OLFM1: variants seen among roughly 807,000 people sequenced by gnomAD.
OLFM1 encodes the protein olfactomedin 1.
A neutral mutation model predicts 49.7 loss-of-function variants in OLFM1; 9 were observed. That is an observed-to-expected ratio of 0.18 (90% CI 0.11 to 0.32). The LOEUF (loss-of-function observed/expected upper bound fraction) is 0.32, where lower values mean the gene tolerates loss of function less well. Ranked by LOEUF, OLFM1 falls within the 10% of genes least tolerant of loss-of-function variation. The probability of loss-of-function intolerance (pLI) is 1.00; values close to 1 mark genes in which losing one functional copy is unlikely to be tolerated. For missense variants in OLFM1, 369 were observed against 661.8 expected (o/e 0.56, Z 4.85); for synonymous variants, 240 against 271.8 (o/e 0.88, Z 1.15).
chr9:135,101,948 TC>T (rs983337066), intron 4 of OLFM1, among the ~76,000 whole-genome samples: 1 of 152,168 alleles, frequency 6.6e-6, no homozygotes, highest in African/African-American at 2.4e-5. Flanking sequence ...TTCCTTAGTT[TC>T]TTTTTTTTCC....
upstream of OLFM1, chr9:135,087,161 GC>G (rs1435579466): frequency 2.2e-5 from 29 of 1,298,320 alleles, no homozygotes; most frequent in African/African-American, 1.2e-4. Flanking sequence ...ATGCCCCGAC[GC>G]CCCCCTGGCG....
rs1214499263 is a variant in OLFM1 at position 135,088,657 on chromosome 9, G to T, written c.150+518G>T. On this transcript the variant is annotated intron_variant, in intron 1 of 5. Coordinates refer to ENST00000371793, the MANE Select transcript of OLFM1 (RefSeq NM_001282611.2). This position sits in a 1 kb window ranked among gnomAD's most constrained non-coding sequence, Gnocchi z 4.8. ...AGTGGGGCCCCAGCCGGTGGGCTCC[G>T]GAGCTCCTGCCCGCGCCTGCATTCC... Among the ~76,000 whole-genome samples the T allele has an allele frequency of 6.6e-6, 1 of 152,016 alleles. No individual in the cohort carries two copies. Among genetic ancestry groups the T allele is most frequent in the Non-Finnish European group, 1.5e-5 (1 of 67,980 alleles).
At chr9:135,094,097 G>C (rs559854409) in intron 2 of OLFM1, among the ~76,000 whole-genome samples, 1 of 152,306 alleles carries the variant, frequency 6.6e-6, no homozygotes, top group Non-Finnish European at 1.5e-5. Flanking sequence ...TGGGGATTTT[G>C]CCAGGAGGGG....
At chr9:135,087,125 G>T (rs1011317509), upstream of OLFM1, 5 of 1,019,678 alleles carry the variant, frequency 4.9e-6, no homozygotes, top group African/African-American at 6.7e-5. Flanking sequence ...CCCTGGGATC[G>T]CAGGGGCGCC....
At chr9:135,081,111 G>T (rs1039301352) in intron 1 of OLFM1, among the ~76,000 whole-genome samples, 8 of 151,990 alleles carry the variant, frequency 5.3e-5, no homozygotes, top group African/African-American at 1.9e-4. Context: ...ATGTTGCGGC[G>T]GTCCCAGCAA....
intron 4 of OLFM1, among the ~76,000 whole-genome samples, chr9:135,103,467 C>T (rs1830897517): frequency 6.6e-6 from 1 of 152,256 alleles, no homozygotes; most frequent in Non-Finnish European, 1.5e-5. Context: ...GAGCCAGCCT[C>T]ACCCTTCCCT....
In OLFM1 at chr9:135,088,249, C is replaced by T; in HGVS notation, c.150+110C>T. 1 of 1,061,572 alleles carries T rather than the reference C, an allele frequency of 9.4e-7. No homozygotes were observed. The highest frequency in any genetic ancestry group is 1.2e-6 in the Non-Finnish European group (1 of 841,736). The allele number at this position is 1,061,572 out of a possible 1,614,324, so 65.8% of individuals were successfully genotyped here. On this transcript the variant is annotated intron_variant, in intron 1 of 5. Coordinates refer to ENST00000371793, the MANE Select transcript of OLFM1 (RefSeq NM_001282611.2). The surrounding 1 kb of genome is among the most constrained non-coding windows in gnomAD (Gnocchi z 4.8). ...GGCGCCGCGCGGGACCCGAGTCGCC[C>T]AGGGAGGCGGCGGGGAGCAGGGCGG...
chr9:135,097,870 T>C, intron 3 of OLFM1: 1 of 1,595,048 alleles, frequency 6.3e-7, no homozygotes, highest in Non-Finnish European at 8.5e-7. Flanking sequence ...GAGAGCTTTT[T>C]GCACCATGCA....
chr9:135,088,121 G>A lies in OLFM1; in HGVS notation c.132G>A (p.Thr44=). The change falls in exon 1 of 6, where the codon ACG becomes ACA. Residue 44 remains threonine, a synonymous_variant. Transcript: ENST00000371793. The surrounding 1 kb of genome is among the most constrained non-coding windows in gnomAD (Gnocchi z 4.8). ...TTKLSAAGGG[T]LDRSTGVLPT... ...AGCTCTCGGCGGCCGGCGGCGGGAC[G>A]CTGGACCGCAGCACCGGCGTAAGTG... 1 of 1,398,296 alleles carries A rather than the reference G, an allele frequency of 7.2e-7. No individual in the cohort carries two copies. Among genetic ancestry groups the A allele is most frequent in the Non-Finnish European group, 9.4e-7 (1 of 1,058,672 alleles). 86.6% of individuals were successfully genotyped at this position (1,398,296 alleles called of 1,614,324 possible).
Position 135,120,207 on chromosome 9 carries a change from C to T in OLFM1, c.*29C>T, listed in dbSNP as rs114220767. On this transcript the variant is annotated 3_prime_UTR_variant, in exon 6 of 6. Transcript: ENST00000371793. ...CCTCCTCCTGGAAGCCAAGGGCCCA[C>T]GTCCTCACCACAAAGGGACTCCTGT... 4.2e-5 allele frequency: 66 copies of T among 1,570,272 alleles called. No homozygotes were observed. The highest frequency in any genetic ancestry group is 3.9e-4 in the African/African-American group (29 of 73,692).
chr9:135,098,783 G>C lies in OLFM1; in HGVS notation c.676+278G>C, dbSNP rs1371631294. 1.3e-5 allele frequency among the ~76,000 whole-genome samples: 2 copies of C among 152,200 alleles called. No individual in the cohort carries two copies. Among genetic ancestry groups the C allele is most frequent in the African/African-American group, 4.8e-5 (2 of 41,440 alleles). ...AATAGCATACCATCTGGCAGATTGT[G>C]TGTGTGTGTGTGAATCGTATGTGTG... On this transcript the variant is annotated intron_variant, in intron 4 of 5. Coordinates refer to ENST00000371793, the MANE Select transcript of OLFM1 (RefSeq NM_001282611.2). The surrounding 1 kb of genome is among the most constrained non-coding windows in gnomAD (Gnocchi z 5.6).
At chr9:135,119,415 T>G (rs1831154865) in intron 5 of OLFM1, 89 bp from the exon 6 acceptor site, 1 of 1,107,312 alleles carries the variant, frequency 9.0e-7, no homozygotes, top group Non-Finnish European at 1.3e-6. Context: ...TTTGGAGTAC[T>G]CACTGGATCT....
At chr9:135,104,979 G>A (rs1032686728) in intron 4 of OLFM1, among the ~76,000 whole-genome samples, 20 of 152,224 alleles carry the variant, frequency 1.3e-4, no homozygotes, top group African/African-American at 4.1e-4. Context: ...CATAGACGCC[G>A]GTCAGCTGTG....
intron 2 of OLFM1, among the ~76,000 whole-genome samples, chr9:135,092,850 C>T (rs1830735008): frequency 6.6e-6 from 1 of 152,228 alleles, no homozygotes; most frequent in South Asian, 2.1e-4. Context: ...GCCCTTGCTC[C>T]TTAATGCACT....
chr9:135,094,275 G>T (rs1212479082), intron 2 of OLFM1, among the ~76,000 whole-genome samples: 1 of 152,228 alleles, frequency 6.6e-6, no homozygotes, highest in Non-Finnish European at 1.5e-5. Context: ...TGTCCGGAAA[G>T]CTGTGGGGGG....
chr9:135,099,105 T>A (rs1341546215), intron 4 of OLFM1, among the ~76,000 whole-genome samples: 1 of 152,210 alleles, frequency 6.6e-6, no homozygotes, highest in Non-Finnish European at 1.5e-5. Context: ...TCTGATTGAT[T>A]ACCCATTCAC....
At chr9:135,095,791 T>C (rs1830781192) in intron 2 of OLFM1, 73 bp from the exon 3 acceptor site, 2 of 1,538,528 alleles carry the variant, frequency 1.3e-6, no homozygotes, top group South Asian at 2.4e-5. Context: ...GGGCAATGTC[T>C]GTACGAGCAG....
chr9:135,091,908 CACACAT>C (rs1830721454), intron 2 of OLFM1, among the ~76,000 whole-genome samples: 1 of 150,832 alleles, frequency 6.6e-6, no homozygotes, highest in South Asian at 2.1e-4. Flanking sequence ...CACACACACA[CACACAT>C]AGTCACACAC....
At chr9:135,094,783 A>G (rs1402916191) in intron 2 of OLFM1, among the ~76,000 whole-genome samples, 1 of 152,210 alleles carries the variant, frequency 6.6e-6, no homozygotes, top group Non-Finnish European at 1.5e-5. Context: ...TAGAAACCAC[A>G]CTGTCCTCTT....
Sources: allele counts gnomAD v4.1 joint callset (sites outside exome capture counted in the v4.1 genomes callset), GRCh38; gene constraint gnomAD v4.1.1; non-coding constraint Gnocchi (gnomAD v3.1); transcripts MANE v1.5; gene names NCBI Gene and HGNC (gene_info 2026-07-23, HGNC 2026-07-21).